Variants in SNX14 observed in about 807,000 individuals in gnomAD.
SNX14 encodes the protein sorting nexin-14.
In SNX14, 93 loss-of-function variants were observed where a neutral mutation model predicts 133.8. The observed-to-expected ratio is 0.70, with a 90% CI of 0.59 to 0.83. SNX14 has a LOEUF of 0.83. SNX14 is among the 40% of genes least tolerant of loss of function. SNX14 has a pLI of 0.00. For missense variants in SNX14, 945 were observed against 1,094.9 expected (o/e 0.86, Z 1.93); for synonymous variants, 368 against 365.6 (o/e 1.01, Z -0.07).
intron 1 of SNX14, among the ~76,000 whole-genome samples, chr6:85,586,087 C>T (rs1401962374): frequency 6.6e-6 from 1 of 150,908 alleles, no homozygotes; most frequent in African/African-American, 2.4e-5. Context: ...CAAGACACTA[C>T]AAGGAAACCA....
At chr6:85,521,602 T>A (rs756455002) in intron 21 of SNX14, among the ~76,000 whole-genome samples, 1 of 152,244 alleles carries the variant, frequency 6.6e-6, no homozygotes, top group Non-Finnish European at 1.5e-5. Flanking sequence ...CCTCCCATTC[T>A]ACAGGTTGTC....
At chr6:85,530,697 T>C (rs1780008707) in intron 18 of SNX14, among the ~76,000 whole-genome samples, 1 of 152,032 alleles carries the variant, frequency 6.6e-6, no homozygotes, top group Non-Finnish European at 1.5e-5. Context: ...CTGGACATTA[T>C]TCCACAGTTG....
At position 85,593,667 on chromosome 6, in the gene SNX14, G is replaced by A. The variant is rs1803720028; in HGVS notation, c.52C>T (p.Leu18=). The change falls in exon 1 of 29, where the codon CTG becomes TTG. Residue 18 remains leucine (L), a synonymous_variant. Transcript: ENST00000314673. ...CGGCAGATCTCGCGTCCCACGTCCA[G>A]TCGCAGCCGCTGCTTCAGCTTCTGC... is the stretch of plus-strand genomic sequence containing the variant. The part of the protein sequence containing the change: ...MGQKLKQRLR[L]DVGREICRQY... 6.2e-7 allele frequency: 1 copy of A among 1,613,072 alleles called. No individual in the cohort carries two copies.
intron 20 of SNX14, among the ~76,000 whole-genome samples, chr6:85,527,356 A>G (rs1462780057): frequency 1.3e-5 from 2 of 151,340 alleles, no homozygotes. Flanking sequence ...TTCAATTTTC[A>G]TATCACCAAA....
In SNX14 at chr6:85,542,019, C is replaced by A. The variant is rs778761394; in HGVS notation, c.1414G>T (p.Ala472Ser). 3.1e-6 allele frequency: 5 copies of A among 1,590,278 alleles called. No homozygotes were observed. Among genetic ancestry groups the A allele is most frequent in the Non-Finnish European group, 4.3e-6 (5 of 1,169,588 alleles). Residue 472 changes from alanine (A) to serine (S), a missense_variant, in exon 15 of 29, where the codon GCA becomes TCA. Physicochemically the swap from Ala to Ser is moderately conservative, Grantham distance 99. Coordinates refer to ENST00000314673, the MANE Select transcript of SNX14 (RefSeq NM_153816.6). ...DEYFRQLLRG[A>S]ESPTRNSKLN... ...TTTGAATTGCGTGTTGGTGATTCTG[C>A]ACCTCTTAAAAGTTGTCTGAAATAC...
chr6:85,516,766 T>A (rs1035279049), intron 23 of SNX14, among the ~76,000 whole-genome samples: 9 of 151,108 alleles, frequency 6.0e-5, no homozygotes, highest in African/African-American at 2.2e-4. Context: ...GCCTCCCGAG[T>A]AGCTAGGATT....
chr6:85,581,493 A>C (rs1256497241), intron 1 of SNX14: 1 of 152,224 alleles, frequency 6.6e-6, no homozygotes, highest in Non-Finnish European at 1.5e-5. Context: ...CTCACCAAAC[A>C]AACTAAATAA....
chr6:85,537,435 T>G (rs1199021560), intron 16 of SNX14, among the ~76,000 whole-genome samples: 1 of 152,114 alleles, frequency 6.6e-6, no homozygotes, highest in East Asian at 1.9e-4. Context: ...AAGGGAAAGG[T>G]TAGCAATGAG....
In SNX14 at chr6:85,593,793, G is replaced by A. The variant is rs1803814729; in HGVS notation, c.-75C>T. ...AGGCGACCCCCCATCCACACCTCGCGTCCCCGCCCCACCGACTTGGCGGCG... is the reference window on the plus strand; with the variant it reads ...AGGCGACCCCCCATCCACACCTCGCATCCCCGCCCCACCGACTTGGCGGCG... On this transcript the variant is annotated 5_prime_UTR_variant, in exon 1 of 29. It adds an upstream start codon to the 5' untranslated region. Transcript: ENST00000314673. The A allele has an allele frequency of 2.5e-6, 4 of 1,588,448 alleles. No individual in the cohort carries two copies. The highest frequency in any genetic ancestry group is 3.4e-6 in the Non-Finnish European group (4 of 1,171,988).
At chr6:85,526,046 T>C (rs1416557927) in intron 21 of SNX14, 80 bp downstream of exon 21, 9 of 892,216 alleles carry the variant, frequency 1.0e-5, no homozygotes, top group Non-Finnish European at 1.4e-5. Context: ...TAGGCTATAC[T>C]ATATATTTTT....
intron 12 of SNX14, 118 bp from the exon 13 acceptor site, chr6:85,543,878 T>C: frequency 2.1e-6 from 1 of 486,438 alleles, no homozygotes; most frequent in Non-Finnish European, 3.2e-6. Flanking sequence ...GCAATCTAAT[T>C]CATCTAAGTT....
chr6:85,575,832 G>T (rs1043624770), intron 1 of SNX14, among the ~76,000 whole-genome samples: 1 of 152,200 alleles, frequency 6.6e-6, no homozygotes, highest in African/African-American at 2.4e-5. Flanking sequence ...AACATTGAAA[G>T]TTGATCCAAA....
rs999708077 is a variant in SNX14, at chr6:85,511,881, A to G, written c.2653+1919T>C. ...TTTTTTCTTGATAACTGGACATGAC[A>G]CACAAGTTAAGAGGAACTGCTGCAA... is the stretch of plus-strand genomic sequence containing the variant. On this transcript the variant is annotated intron_variant, in intron 26 of 28. Transcript: ENST00000314673. Among the ~76,000 whole-genome samples, 3 of 152,142 alleles carry G rather than the reference A, an allele frequency of 2.0e-5. No homozygotes were observed. The East Asian group carries it at 5.8e-4, about 29-fold the overall frequency.
chr6:85,572,666 T>C (rs1796032441), intron 2 of SNX14, among the ~76,000 whole-genome samples: 1 of 152,172 alleles, frequency 6.6e-6, no homozygotes. Flanking sequence ...TATTTGAAAG[T>C]GATAATTTGG....
At chr6:85,546,154 G>A (rs545018179) in intron 12 of SNX14, among the ~76,000 whole-genome samples, 1 of 152,332 alleles carries the variant, frequency 6.6e-6, no homozygotes, top group South Asian at 2.1e-4. Flanking sequence ...GCTTTGGCAG[G>A]AGTAGGGGAA....
intron 17 of SNX14, among the ~76,000 whole-genome samples, chr6:85,534,996 G>T: frequency 6.8e-6 from 1 of 147,456 alleles, no homozygotes; most frequent in African/African-American, 2.5e-5. Flanking sequence ...TTTTGAAAAA[G>T]ACTTTCTCTG....
At chr6:85,582,705 T>G (rs969646709) in intron 1 of SNX14, among the ~76,000 whole-genome samples, 4 of 151,894 alleles carry the variant, frequency 2.6e-5, no homozygotes, top group African/African-American at 9.7e-5. Context: ...CTGGACACCC[T>G]CTCAAGACTA....
intron 1 of SNX14, among the ~76,000 whole-genome samples, chr6:85,576,176 C>A (rs1797280877): frequency 6.6e-6 from 1 of 152,084 alleles, no homozygotes; most frequent in Non-Finnish European, 1.5e-5. Flanking sequence ...ACCCTCACTA[C>A]CAGAGAAACC....
chr6:85,516,107 C>G (rs1008290459), intron 23 of SNX14, among the ~76,000 whole-genome samples: 4 of 152,138 alleles, frequency 2.6e-5, no homozygotes, highest in African/African-American at 7.2e-5. Flanking sequence ...TCACATCCTA[C>G]TTTTTCATTT....
Sources: allele counts gnomAD v4.1 joint callset (sites outside exome capture counted in the v4.1 genomes callset), GRCh38; gene constraint gnomAD v4.1.1; transcripts MANE v1.5; gene names NCBI Gene and HGNC (gene_info 2026-07-23, HGNC 2026-07-21).